The following MAGI1 variants were observed in gnomAD, a reference collection of about 807,000 sequenced individuals.
MAGI1 encodes membrane associated guanylate kinase, WW and PDZ domain containing 1.
In MAGI1, 58 loss-of-function variants were observed where a neutral mutation model predicts 139.9. The observed-to-expected ratio is 0.41, with a 90% CI of 0.34 to 0.52. MAGI1 has a LOEUF of 0.52. MAGI1 is among the 20% of genes least tolerant of loss of function. The pLI is 0.12. For missense variants in MAGI1, 1,874 were observed against 1,901.6 expected, an observed-to-expected ratio of 0.99 and a Z score of 0.27; for synonymous variants, 812 against 737.9, an observed-to-expected ratio of 1.10 and a Z score of -1.63.
At chr3:65,891,628 G>A (rs1330054255) in intron 1 of MAGI1, among the ~76,000 whole-genome samples, 1 of 150,424 alleles carries the variant, frequency 6.6e-6, no homozygotes, top group East Asian at 2.0e-4. Context: ...GGTGACAAAA[G>A]CAACCATACT....
At chr3:65,809,701 T>C (rs1442562575) in intron 1 of MAGI1, among the ~76,000 whole-genome samples, 1 of 152,146 alleles carries the variant, frequency 6.6e-6, no homozygotes, top group Non-Finnish European at 1.5e-5. Flanking sequence ...AGAAGGTCAG[T>C]TGCCCAGATA....
intron 1 of MAGI1, among the ~76,000 whole-genome samples, chr3:65,725,130 T>C (rs41531349): frequency 0.032 from 4,887 of 152,264 alleles, 231 homozygotes; most frequent in African/African-American, 0.1. Context: ...CCAAATGAGA[T>C]TCCTTTGCAA....
chr3:65,609,509 C>A (rs1234731503), intron 2 of MAGI1, among the ~76,000 whole-genome samples: 2 of 151,846 alleles, frequency 1.3e-5, no homozygotes, highest in Non-Finnish European at 2.9e-5. Context: ...GAACTCCCGA[C>A]CTCAAGCAAT....
chr3:65,499,291 T>G (rs1334322715), intron 2 of MAGI1, among the ~76,000 whole-genome samples: 1 of 152,236 alleles, frequency 6.6e-6, no homozygotes, highest in Middle Eastern at 3.4e-3. Context: ...TGGAAATGAT[T>G]GAATGAAATA....
At chr3:65,435,573 G>C (rs1947791558) in intron 10 of MAGI1, among the ~76,000 whole-genome samples, 1 of 152,116 alleles carries the variant, frequency 6.6e-6, no homozygotes. Context: ...ATTATGCCTA[G>C]TTTGGGATTA....
intron 21 of MAGI1, among the ~76,000 whole-genome samples, chr3:65,362,874 G>A (rs759370967): frequency 6.6e-6 from 1 of 152,192 alleles, no homozygotes; most frequent in African/African-American, 2.4e-5. Context: ...TACAGTAACA[G>A]ATATTAGCGA....
intron 1 of MAGI1, among the ~76,000 whole-genome samples, chr3:65,934,022 G>A (rs1307498985): frequency 1.3e-5 from 2 of 152,086 alleles, no homozygotes; most frequent in African/African-American, 2.4e-5. Flanking sequence ...AGCTACTCGG[G>A]AGGCTGAGGC....
At chr3:65,779,571 C>A (rs932112716) in intron 1 of MAGI1, among the ~76,000 whole-genome samples, 2 of 152,202 alleles carry the variant, frequency 1.3e-5, no homozygotes, top group Non-Finnish European at 2.9e-5. Flanking sequence ...CCAAGAATTG[C>A]ACAATCGCTT....
At chr3:65,871,797 C>T (rs1470719717) in intron 1 of MAGI1, among the ~76,000 whole-genome samples, 1 of 152,220 alleles carries the variant, frequency 6.6e-6, no homozygotes, top group African/African-American at 2.4e-5. Flanking sequence ...CTAAATATTA[C>T]AAAAAGAAAA....
chr3:65,483,245 T>C (rs552720344), intron 3 of MAGI1, among the ~76,000 whole-genome samples: 4 of 152,354 alleles, frequency 2.6e-5, no homozygotes, highest in African/African-American at 9.6e-5. Context: ...TGAACTGCCC[T>C]TACCGTGCAG....
intron 1 of MAGI1, among the ~76,000 whole-genome samples, chr3:65,627,242 G>A (rs551500118): frequency 6.6e-6 from 1 of 152,084 alleles, no homozygotes; most frequent in Non-Finnish European, 1.5e-5. Context: ...ATACAGCCTA[G>A]GTGTTTAGTA....
chr3:65,506,157 T>C (rs2077279245), intron 2 of MAGI1, among the ~76,000 whole-genome samples: 2 of 152,154 alleles, frequency 1.3e-5, no homozygotes. Flanking sequence ...TCAGCTCTGG[T>C]ATTTGCAAAC....
intron 1 of MAGI1, among the ~76,000 whole-genome samples, chr3:65,623,658 A>T (rs1454947971): frequency 6.6e-6 from 1 of 152,176 alleles, no homozygotes; most frequent in African/African-American, 2.4e-5. Context: ...TATGGTCAAA[A>T]AGAGTAAATC....
chr3:65,779,306 G>T (rs539429171), intron 1 of MAGI1, among the ~76,000 whole-genome samples: 2 of 152,240 alleles, frequency 1.3e-5, no homozygotes, highest in East Asian at 3.9e-4. Flanking sequence ...TGCACAAATA[G>T]AATATTCTGG....
In MAGI1 at chr3:65,793,064, T is replaced by A. The variant is rs553783807; in HGVS notation, c.314-170976A>T. On this transcript the variant is annotated intron_variant, in intron 1 of 22. Coordinates refer to ENST00000402939, the MANE Select transcript of MAGI1 (RefSeq NM_001033057.2). ...CTAGAGATAAGTCTCATCCACCAGC[T>A]AAGTTGAATGTATTTCTTTTATTGC... 9.8e-5 allele frequency among the ~76,000 whole-genome samples: 15 copies of A among 152,318 alleles called. No homozygotes were observed. The South Asian group carries it at 3.1e-3, about 32-fold the overall frequency.
intron 1 of MAGI1, among the ~76,000 whole-genome samples, chr3:65,859,813 T>G (rs1281226911): frequency 1.3e-5 from 2 of 151,858 alleles, no homozygotes; most frequent in African/African-American, 4.8e-5. Flanking sequence ...TCTACCTGAG[T>G]CAGCAAAATA....
At chr3:65,615,117 G>C (rs1458131188) in intron 2 of MAGI1, among the ~76,000 whole-genome samples, 2 of 152,024 alleles carry the variant, frequency 1.3e-5, no homozygotes, top group Non-Finnish European at 2.9e-5. Flanking sequence ...AACTGACATG[G>C]ACTAGCATAA....
intron 1 of MAGI1, among the ~76,000 whole-genome samples, chr3:65,925,448 C>A (rs111539594): frequency 4.6e-5 from 7 of 152,168 alleles, no homozygotes; most frequent in Admixed American, 3.9e-4. Flanking sequence ...CAACTGCAAA[C>A]AACCCAAGGC....
intron 1 of MAGI1, among the ~76,000 whole-genome samples, chr3:65,684,019 A>T (rs2087800924): frequency 6.7e-6 from 1 of 148,498 alleles, no homozygotes; most frequent in African/African-American, 2.5e-5. Context: ...AAAAAAAAAA[A>T]TTTAATTATC....
Sources: gnomAD v4.1 joint callset for allele counts (sites outside exome capture counted in the v4.1 genomes callset) on GRCh38, gnomAD v4.1.1 for gene constraint, MANE v1.5 for transcripts, NCBI Gene and HGNC (gene_info 2026-07-23, HGNC 2026-07-21) for gene names.